The following ZNF622 variants were observed in gnomAD, a reference collection of about 807,000 sequenced individuals.
ZNF622 encodes the protein zinc finger protein 622.
Under a neutral mutation model 49.7 loss-of-function variants are expected in ZNF622, and 34 were observed. The observed-to-expected ratio is 0.68, with a 90% CI of 0.52 to 0.91. The LOEUF (loss-of-function observed/expected upper bound fraction) is 0.91. Ranked by LOEUF, ZNF622 falls within the 40% of genes least tolerant of loss-of-function variation. ZNF622 has a pLI of 0.00. For synonymous variants in ZNF622, 209 were observed against 228.7 expected (o/e 0.91, Z 0.78); for missense variants, 569 against 616.4 (o/e 0.92, Z 0.81).
chr5:16,458,098 G>C (rs1738060096), intron 4 of ZNF622, among the ~76,000 whole-genome samples: 2 of 151,872 alleles, frequency 1.3e-5, no homozygotes, highest in Admixed American at 1.3e-4. Flanking sequence ...CCATGAGTCA[G>C]ATACACCCAC....
chr5:16,459,484 C>A (rs1399168979), intron 3 of ZNF622, among the ~76,000 whole-genome samples: 2 of 152,174 alleles, frequency 1.3e-5, no homozygotes, highest in Non-Finnish European at 2.9e-5. Flanking sequence ...CTTTGGAAAC[C>A]AATTTGACAG....
At chr5:16,464,889 A>C in intron 1 of ZNF622, 152 bp downstream of exon 1, 1 of 1,137,614 alleles carries the variant, frequency 8.8e-7, no homozygotes, top group East Asian at 2.4e-5. Flanking sequence ...TGGCCAGATA[A>C]GGCACTTCAG....
intron 3 of ZNF622, among the ~76,000 whole-genome samples, chr5:16,460,738 A>G (rs934103726): frequency 2.6e-5 from 4 of 152,096 alleles, no homozygotes; most frequent in African/African-American, 4.8e-5. Flanking sequence ...AAATCATTTA[A>G]TATTCATTTT....
At position 16,465,217 on chromosome 5, in the gene ZNF622, G is replaced by C. The variant is rs1250943734; in HGVS notation, c.449C>G (p.Ala150Gly). 2.5e-6 allele frequency: 4 copies of C among 1,614,172 alleles called. No individual in the cohort carries two copies. Among genetic ancestry groups the C allele is most frequent in the South Asian group, 1.1e-5 (1 of 91,088 alleles). ...GACATTCCTGGCCTCCTTTGCAGGC[G>C]CTGGGGGCGCCTTCTTGGGAGACAT... Reference protein sequence around the residue: ...PSMSPKKAPPAPAKEARNVVA... With the variant: ...PSMSPKKAPPGPAKEARNVVA... Residue 150 changes from alanine to glycine, a missense_variant, in exon 1 of 6, where the codon GCG (alanine) becomes GGG (glycine). By Grantham distance (60) the Ala-to-Gly change is moderately conservative. Transcript: ENST00000308683. The surrounding 1 kb of genome is among the most constrained non-coding windows in gnomAD (Gnocchi z 6.2).
At chr5:16,460,264 C>T (rs576991378) in intron 3 of ZNF622, among the ~76,000 whole-genome samples, 9 of 152,158 alleles carry the variant, frequency 5.9e-5, no homozygotes, top group East Asian at 5.8e-4. Flanking sequence ...AAATTTTTTT[C>T]GAATACTTTA....
intron 4 of ZNF622, among the ~76,000 whole-genome samples, chr5:16,454,851 A>G (rs1737999869): frequency 6.6e-6 from 1 of 152,208 alleles, no homozygotes; most frequent in Admixed American, 6.5e-5. Context: ...TTTCTAGGGA[A>G]AATGTCCCAA....
At position 16,463,332 on chromosome 5, in the gene ZNF622, C is replaced by T. The variant is rs1460186194; in HGVS notation, c.887-62G>A. On this transcript the variant is annotated intron_variant, in intron 2 of 5. Coordinates refer to ENST00000308683, the MANE Select transcript of ZNF622 (RefSeq NM_033414.3). This position sits in a 1 kb window ranked among gnomAD's most constrained non-coding sequence, Gnocchi z 4.2. ...CTTTTTGCAACCAGATTAAATCTCA[C>T]TATTTGTCACCAAAACTCAAAAATC... 4.1e-5 allele frequency: 63 copies of T among 1,538,508 alleles called. No individual in the cohort carries two copies. The highest frequency in any genetic ancestry group is 3.1e-5 in the Non-Finnish European group (35 of 1,143,218).
intron 4 of ZNF622, among the ~76,000 whole-genome samples, chr5:16,454,825 C>T (rs531823592): frequency 2.6e-5 from 4 of 152,140 alleles, no homozygotes; most frequent in African/African-American, 7.2e-5. Flanking sequence ...AAAGCCTAAA[C>T]GATCACCTCT....
At chr5:16,461,229 G>T (rs552230592) in intron 3 of ZNF622, among the ~76,000 whole-genome samples, 27 of 152,252 alleles carry the variant, frequency 1.8e-4, no homozygotes, top group African/African-American at 2.4e-5. Flanking sequence ...AATCCAGAGA[G>T]CAACTAATAC....
chr5:16,464,458 A>G (rs1738178617), intron 1 of ZNF622, among the ~76,000 whole-genome samples: 1 of 152,222 alleles, frequency 6.6e-6, no homozygotes, highest in African/African-American at 2.4e-5. Context: ...TTCATAAATC[A>G]CCCAGTCTCT....
chr5:16,463,803 C>T lies in ZNF622; in HGVS notation c.626-61G>A. The T allele has an allele frequency of 6.4e-7, 1 of 1,560,136 alleles. No homozygotes were observed. The highest frequency in any genetic ancestry group is 1.4e-5 in the African/African-American group (1 of 73,570). ...AAAGTAGTAGCAAGCAAAGATATCA[C>T]AAAAATTCACGAGGTGATACAGTCC... is the stretch of plus-strand genomic sequence containing the variant. On this transcript the variant is annotated intron_variant, in intron 1 of 5. Transcript: ENST00000308683. The surrounding 1 kb of genome is among the most constrained non-coding windows in gnomAD (Gnocchi z 4.2).
chr5:16,462,140 A>G (rs933085133), intron 3 of ZNF622, among the ~76,000 whole-genome samples: 1 of 152,160 alleles, frequency 6.6e-6, no homozygotes, highest in African/African-American at 2.4e-5. Context: ...AGTCATGTCC[A>G]CCAACTGCAA....
At position 16,463,448 on chromosome 5, in the gene ZNF622, A is replaced by C; in HGVS notation, c.886+34T>G. 1 of 1,581,334 alleles carries C rather than the reference A, an allele frequency of 6.3e-7. No homozygotes were observed. The highest frequency in any genetic ancestry group is 8.6e-7 in the Non-Finnish European group (1 of 1,159,374). ...AGACCAGTCCCCCAATAATGTGATT[A>C]TTTCCTCATTAAAAGGAAAACTATT... On this transcript the variant is annotated intron_variant, in intron 2 of 5. Coordinates refer to ENST00000308683, the MANE Select transcript of ZNF622 (RefSeq NM_033414.3). The surrounding 1 kb of genome is among the most constrained non-coding windows in gnomAD (Gnocchi z 4.2).
chr5:16,456,512 G>A (rs1251618354), intron 4 of ZNF622, among the ~76,000 whole-genome samples: 1 of 152,154 alleles, frequency 6.6e-6, no homozygotes, highest in Non-Finnish European at 1.5e-5. Context: ...CCAGCAGCAG[G>A]GGAGAGACTC....
chr5:16,465,027 GA>G lies in ZNF622; in HGVS notation c.625+13del. The G allele has an allele frequency of 6.4e-7, 1 of 1,555,018 alleles. No homozygotes were observed. The highest frequency in any genetic ancestry group is 1.4e-5 in the African/African-American group (1 of 73,010). On this transcript the variant is annotated intron_variant, in intron 1 of 5. Coordinates refer to ENST00000308683, the MANE Select transcript of ZNF622 (RefSeq NM_033414.3). This position sits in a 1 kb window ranked among gnomAD's most constrained non-coding sequence, Gnocchi z 6.2. ...AGTTCCTCTTTACCCTCCCCGCCCA[GA>G]CAGGGCCATCACCGTCTCCATCCAG...
rs1738070006 is a variant in ZNF622, at chr5:16,458,583, C to T, written c.1096G>A (p.Glu366Lys). The T allele has an allele frequency of 1.2e-6, 2 of 1,613,766 alleles. No individual in the cohort carries two copies. The highest frequency in any genetic ancestry group is 8.5e-7 in the Non-Finnish European group (1 of 1,179,844). ...HKEGEDPNKA[E>K]ELPSEKNLEY... ...AAGTTCTTTTCTGAGGGCAACTCCT[C>T]AGCCTTATTGGGGTCCTCCCCTTCC... The change falls in exon 4 of 6, where the codon GAG (glutamate) becomes AAG (lysine). Residue 366 changes from glutamate (E) to lysine (K), a missense_variant. Physicochemically the swap from Glu to Lys is moderately conservative, Grantham distance 56. Transcript: ENST00000308683.
At chr5:16,455,171 C>A (rs1738006898) in intron 4 of ZNF622, among the ~76,000 whole-genome samples, 1 of 152,140 alleles carries the variant, frequency 6.6e-6, no homozygotes, top group Non-Finnish European at 1.5e-5. Flanking sequence ...CTAGGTAGAA[C>A]CCTGTGTACG....
chr5:16,451,584 ATCTG>A lies in ZNF622; in HGVS notation c.*69_*72del, dbSNP rs761982238. The stretch of plus-strand genomic sequence containing the variant: ...TAGCAGCAAAAGGGTCTCTCCTATG[ATCTG>A]TCTTTCACTGGTCCTCAGGGCAAGG... On this transcript the variant is annotated 3_prime_UTR_variant, in exon 6 of 6. Transcript: ENST00000308683. 1.3e-6 allele frequency: 2 copies of A among 1,563,640 alleles called. No homozygotes were observed. The highest frequency in any genetic ancestry group is 1.4e-5 in the African/African-American group (1 of 73,256).
chr5:16,462,064 C>T (rs1426457069), intron 3 of ZNF622, among the ~76,000 whole-genome samples: 3 of 152,204 alleles, frequency 2.0e-5, no homozygotes, highest in Non-Finnish European at 4.4e-5. Context: ...ATGCTTCCCA[C>T]CACCAGCAGA....
Sources: gnomAD v4.1 joint callset for allele counts (sites outside exome capture counted in the v4.1 genomes callset) on GRCh38, gnomAD v4.1.1 for gene constraint, Gnocchi (gnomAD v3.1) non-coding constraint, MANE v1.5 for transcripts, NCBI Gene and HGNC (gene_info 2026-07-23, HGNC 2026-07-21) for gene names.